The following ADAMTS3 variants were observed in gnomAD, a reference collection of about 807,000 sequenced individuals.
ADAMTS3 encodes the protein ADAM metallopeptidase with thrombospondin type 1 motif 3.
In ADAMTS3, 73 loss-of-function variants were observed where a neutral mutation model predicts 129.0. The ratio of observed to expected loss-of-function variants is 0.57; its 90% CI spans 0.47 to 0.69. The LOEUF (loss-of-function observed/expected upper bound fraction) is 0.69, where lower values mean the gene tolerates loss of function less well. Ranked by LOEUF, ADAMTS3 falls within the 30% of genes least tolerant of loss-of-function variation. ADAMTS3 has a pLI of 0.00. For missense variants in ADAMTS3, 1,457 were observed against 1,514.5 expected, an observed-to-expected ratio of 0.96 and a Z score of 0.63; for synonymous variants, 477 against 510.8, an observed-to-expected ratio of 0.93 and a Z score of 0.89.
At chr4:72,505,943 C>G (rs1473836627) in intron 3 of ADAMTS3, among the ~76,000 whole-genome samples, 1 of 152,152 alleles carries the variant, frequency 6.6e-6, no homozygotes, top group East Asian at 1.9e-4. Context: ...GTCCCTGCAC[C>G]AACATCTCTG....
At chr4:72,477,138 C>A (rs1199104454) in intron 3 of ADAMTS3, among the ~76,000 whole-genome samples, 1 of 151,838 alleles carries the variant, frequency 6.6e-6, no homozygotes, top group African/African-American at 2.4e-5. Flanking sequence ...GAGATGTCTA[C>A]TCTCAGCACT....
chr4:72,538,241 A>AATTGCCAAATTTGATGAAAGAC (rs1721230723), intron 3 of ADAMTS3, among the ~76,000 whole-genome samples: 1 of 152,220 alleles, frequency 6.6e-6, no homozygotes, highest in Non-Finnish European at 1.5e-5. Context: ...ATAGATGGAA[A>AATTGCCAAATTTGATGAAAGAC]ATTGCCAAAT....
At chr4:72,407,357 A>G (rs1029807448) in intron 4 of ADAMTS3, among the ~76,000 whole-genome samples, 1 of 152,162 alleles carries the variant, frequency 6.6e-6, no homozygotes, top group Non-Finnish European at 1.5e-5. Flanking sequence ...AGAACAGGAC[A>G]TAAAGAAAAT....
At chr4:72,535,507 T>C (rs1246986522) in intron 3 of ADAMTS3, among the ~76,000 whole-genome samples, 4 of 152,190 alleles carry the variant, frequency 2.6e-5, no homozygotes, top group African/African-American at 9.7e-5. Flanking sequence ...CAGACAGAAG[T>C]AGACCTTCCA....
chr4:72,448,956 T>C (rs1303410541), intron 3 of ADAMTS3, among the ~76,000 whole-genome samples: 1 of 151,760 alleles, frequency 6.6e-6, no homozygotes, highest in Non-Finnish European at 1.5e-5. Context: ...TCCTGTATTA[T>C]TTTTCTTTAA....
intron 3 of ADAMTS3, among the ~76,000 whole-genome samples, chr4:72,533,605 G>C (rs1721101949): frequency 6.6e-6 from 1 of 151,842 alleles, no homozygotes; most frequent in African/African-American, 2.4e-5. Flanking sequence ...ATACACATAT[G>C]CACATATGTA....
chr4:72,437,088 C>T (rs1284059485), intron 3 of ADAMTS3, among the ~76,000 whole-genome samples: 3 of 151,840 alleles, frequency 2.0e-5, no homozygotes, highest in Non-Finnish European at 4.4e-5. Context: ...AAACTATTCA[C>T]TCCACAGGAC....
chr4:72,547,505 C>T (rs758738701), intron 3 of ADAMTS3, among the ~76,000 whole-genome samples: 1 of 152,088 alleles, frequency 6.6e-6, no homozygotes, highest in African/African-American at 2.4e-5. Context: ...GCCTTTCATG[C>T]GATCATCTCA....
At chr4:72,387,594 T>C (rs1234626555) in intron 4 of ADAMTS3, among the ~76,000 whole-genome samples, 1 of 152,126 alleles carries the variant, frequency 6.6e-6, no homozygotes, top group Admixed American at 6.5e-5. Flanking sequence ...AGGTGCATAT[T>C]GGGGCTATCC....
intron 19 of ADAMTS3, among the ~76,000 whole-genome samples, chr4:72,293,898 G>C (rs949737325): frequency 6.6e-6 from 1 of 151,990 alleles, no homozygotes; most frequent in Non-Finnish European, 1.5e-5. Context: ...CAAATGCCTT[G>C]AAAAAGAAAT....
intron 7 of ADAMTS3, among the ~76,000 whole-genome samples, 183 bp from the exon 8 acceptor site, chr4:72,320,146 G>A (rs2304363): frequency 0.19 from 28,561 of 152,056 alleles, 3,452 homozygotes; most frequent in East Asian, 0.43. Flanking sequence ...CTCTAAAAAG[G>A]TTCACTGGGT....
At chr4:72,287,587 A>G (rs1163881955) in intron 21 of ADAMTS3, among the ~76,000 whole-genome samples, 1 of 151,934 alleles carries the variant, frequency 6.6e-6, no homozygotes, top group African/African-American at 2.4e-5. Flanking sequence ...AGCCAGGGAG[A>G]CTAGGAGAGG....
chr4:72,420,501 C>T (rs961063037), intron 3 of ADAMTS3, among the ~76,000 whole-genome samples: 5 of 152,196 alleles, frequency 3.3e-5, no homozygotes, highest in Non-Finnish European at 5.9e-5. Context: ...CCCCAAGCCT[C>T]TTTCTCTACA....
At chr4:72,370,018 C>T (rs1307513213) in intron 4 of ADAMTS3, among the ~76,000 whole-genome samples, 1 of 152,158 alleles carries the variant, frequency 6.6e-6, no homozygotes, top group African/African-American at 2.4e-5. Context: ...CTTCATCCAG[C>T]GTTGTTTCTG....
chr4:72,559,846 T>C (rs538970450), intron 2 of ADAMTS3, among the ~76,000 whole-genome samples: 4 of 151,854 alleles, frequency 2.6e-5, no homozygotes, highest in Non-Finnish European at 5.9e-5. Flanking sequence ...AAAACTATTT[T>C]AAAATTCATA....
At chr4:72,430,236 C>T (rs532068823) in intron 3 of ADAMTS3, among the ~76,000 whole-genome samples, 21 of 152,012 alleles carry the variant, frequency 1.4e-4, no homozygotes, top group Non-Finnish European at 2.9e-4. Context: ...TCATGACTCA[C>T]TTGCAACTGA....
At chr4:72,429,892 T>C (rs1722656344) in intron 3 of ADAMTS3, among the ~76,000 whole-genome samples, 1 of 151,998 alleles carries the variant, frequency 6.6e-6, no homozygotes, top group African/African-American at 2.4e-5. Context: ...TTTCAAACTT[T>C]AAAGTGTAAA....
intron 21 of ADAMTS3, among the ~76,000 whole-genome samples, chr4:72,287,308 A>T (rs539551829): frequency 5.1e-4 from 78 of 152,004 alleles, no homozygotes; most frequent in Non-Finnish European, 9.1e-4. Context: ...TATAGCAGCT[A>T]GAACAGACTA....
intron 17 of ADAMTS3, 44 bp downstream of exon 17, chr4:72,303,873 A>C (rs1159834742): frequency 6.3e-7 from 1 of 1,587,756 alleles, no homozygotes; most frequent in Admixed American, 1.8e-5. Flanking sequence ...TTAATTATAA[A>C]GTAAGCTGAG....
Sources: allele counts gnomAD v4.1 joint callset (sites outside exome capture counted in the v4.1 genomes callset), GRCh38; gene constraint gnomAD v4.1.1; transcripts MANE v1.5; gene names NCBI Gene and HGNC (gene_info 2026-07-23, HGNC 2026-07-21).